SPATA13: variants seen among roughly 807,000 people sequenced by gnomAD.
SPATA13 encodes the protein spermatogenesis associated 13, also known as spermatogenesis-associated protein 13.
A neutral mutation model predicts 104.0 loss-of-function variants in SPATA13; 50 were observed. That is an observed-to-expected ratio of 0.48 (90% CI 0.38 to 0.61). The LOEUF is 0.61. Among genes scored for constraint, SPATA13 ranks in the 20% least tolerant of loss-of-function variants. SPATA13 has a pLI of 0.00. For synonymous variants in SPATA13, 606 were observed against 667.5 expected (o/e 0.91, Z 1.42); for missense variants, 1,524 against 1,690.6 (o/e 0.90, Z 1.73).
At position 24,223,043 on chromosome 13, in the gene SPATA13, C is replaced by T. The variant is rs777061144; in HGVS notation, c.114C>T (p.Asp38=). Residue 38 remains aspartate (D), a synonymous_variant, in exon 2 of 13, where the codon GAC becomes GAT. Coordinates refer to ENST00000382108, the MANE Select transcript of SPATA13 (RefSeq NM_001166271.3). The stretch of plus-strand genomic sequence containing the variant: ...CCTGTGCAGGCTCGGACCTGAAAGA[C>T]GCCAAGATGGTGACCTCCCTTGCGT... ...AAPCAGSDLK[D]AKMVTSLACG... 3.0e-5 allele frequency: 47 copies of T among 1,551,610 alleles called. No individual in the cohort carries two copies. The highest frequency in any genetic ancestry group is 7.3e-5 in the East Asian group (3 of 40,926).
intron 8 of SPATA13, 76 bp downstream of exon 8, chr13:24,289,254 G>C (rs774703257): frequency 1.6e-5 from 20 of 1,239,276 alleles, no homozygotes; most frequent in Non-Finnish European, 2.2e-5. Context: ...GAAAACAGGA[G>C]TCTCTTTTGT....
chr13:24,096,521 C>T (rs921301234), intron 3 of SPATA13, among the ~76,000 whole-genome samples: 1 of 152,076 alleles, frequency 6.6e-6, no homozygotes, highest in African/African-American at 2.4e-5. Flanking sequence ...ATCACTTGAA[C>T]CCAGAAGGCA....
rs374148418 is a variant in SPATA13, at chr13:24,111,193, G to C, written c.-112+93492G>C. On this transcript the variant is annotated intron_variant, in intron 3 of 14. Coordinates refer to the SPATA13 transcript ENST00000424834. ...CCAAAGAGGCCAGATACATGCATGA[G>C]CCACCACACACAGCCAACTCCCTCT... 2.6e-5 allele frequency among the ~76,000 whole-genome samples: 4 copies of C among 151,672 alleles called. No individual in the cohort carries two copies. In the South Asian group the frequency reaches 6.3e-4, roughly 24 times the overall value.
chr13:24,115,253 C>A (rs912321288), intron 3 of SPATA13, among the ~76,000 whole-genome samples: 1 of 152,244 alleles, frequency 6.6e-6, no homozygotes, highest in Non-Finnish European at 1.5e-5. Context: ...GTCATGGCAG[C>A]AGTGACTCTA....
intron 3 of SPATA13, among the ~76,000 whole-genome samples, chr13:24,066,317 C>A (rs1225357814): frequency 1.3e-5 from 2 of 152,150 alleles, no homozygotes; most frequent in East Asian, 3.8e-4. Context: ...TTTCACCTGA[C>A]CCTCATCACA....
At chr13:24,022,971 G>C (rs1399161811) in intron 3 of SPATA13, among the ~76,000 whole-genome samples, 1 of 151,882 alleles carries the variant, frequency 6.6e-6, no homozygotes, top group African/African-American at 2.4e-5. Flanking sequence ...TTAAGTTCTA[G>C]GGTACATGTG....
intron 1 of SPATA13, among the ~76,000 whole-genome samples, chr13:24,174,252 C>T (rs1170091434): frequency 1.3e-5 from 2 of 152,096 alleles, no homozygotes; most frequent in African/African-American, 4.8e-5. Flanking sequence ...TGTAGAGTTG[C>T]TCGTATTATC....
intron 2 of SPATA13, among the ~76,000 whole-genome samples, chr13:24,246,730 G>T (rs1484182067): frequency 6.6e-6 from 1 of 152,128 alleles, no homozygotes; most frequent in African/African-American, 2.4e-5. Flanking sequence ...GGGCGTGGTG[G>T]TAGGTGCCTG....
upstream of SPATA13, among the ~76,000 whole-genome samples, chr13:24,159,246 CTA>C (rs1882366086): frequency 6.6e-6 from 1 of 151,996 alleles, no homozygotes; most frequent in African/African-American, 2.4e-5. Context: ...GCCTCACATA[CTA>C]TGTTTCTAAA....
chr13:24,145,766 A>T lies in SPATA13; in HGVS notation c.-111-77053A>T, dbSNP rs189287518. 3.3e-5 allele frequency among the ~76,000 whole-genome samples: 5 copies of T among 152,316 alleles called. No individual in the cohort carries two copies. The East Asian group carries it at 7.7e-4, about 23-fold the overall frequency. On this transcript the variant is annotated intron_variant, in intron 3 of 14. Transcript: ENST00000424834. The stretch of plus-strand genomic sequence containing the variant: ...AGAACGGCTAATTTTCAAATTGGTG[A>T]TGCTGCTAGGAGGGCGTGAAGGAGA...
At chr13:24,016,746 C>T (rs1876731042) in intron 2 of SPATA13, among the ~76,000 whole-genome samples, 1 of 152,250 alleles carries the variant, frequency 6.6e-6, no homozygotes, top group Admixed American at 6.5e-5. Flanking sequence ...CCCTGGAAGG[C>T]ACTCTGGGAC....
intron 1 of SPATA13, among the ~76,000 whole-genome samples, chr13:24,188,778 AGAG>A (rs112318810): frequency 0.052 from 7,899 of 152,254 alleles, 643 homozygotes; most frequent in African/African-American, 0.18. Context: ...TTCTAGCTAG[AGAG>A]GAGAAGTCAG....
chr13:24,160,509 G>T (rs1882422988), upstream of SPATA13, among the ~76,000 whole-genome samples: 1 of 152,190 alleles, frequency 6.6e-6, no homozygotes, highest in Admixed American at 6.5e-5. Flanking sequence ...CTCCAAAAGT[G>T]CTAGGATTAC....
intron 4 of SPATA13, among the ~76,000 whole-genome samples, chr13:24,267,453 G>A (rs1374161339): frequency 1.3e-5 from 2 of 152,170 alleles, no homozygotes; most frequent in Non-Finnish European, 2.9e-5. Flanking sequence ...TTAGTCTAGT[G>A]CCCTGACCCC....
intron 1 of SPATA13, among the ~76,000 whole-genome samples, chr13:24,175,231 G>GTT (rs56884585): frequency 1.4e-3 from 214 of 151,548 alleles, no homozygotes; most frequent in African/African-American, 4.4e-3. Flanking sequence ...TTGTTTTTTT[G>GTT]TTTTTTTTAA....
intron 3 of SPATA13, among the ~76,000 whole-genome samples, chr13:24,074,774 C>T (rs1879274859): frequency 6.6e-6 from 1 of 152,214 alleles, no homozygotes; most frequent in South Asian, 2.1e-4. Flanking sequence ...TTGGGCAGCA[C>T]AACCTCCTGT....
chr13:24,206,744 T>C (rs1227257669), intron 1 of SPATA13, among the ~76,000 whole-genome samples: 1 of 151,936 alleles, frequency 6.6e-6, no homozygotes, highest in Non-Finnish European at 1.5e-5. Context: ...ATACAAAAAT[T>C]AGCCAGACGT....
At chr13:24,013,659 C>T (rs1418665792) in intron 2 of SPATA13, among the ~76,000 whole-genome samples, 1 of 151,430 alleles carries the variant, frequency 6.6e-6, no homozygotes, top group Non-Finnish European at 1.5e-5. Flanking sequence ...GCTTTCATTC[C>T]TTACCACCCA....
chr13:24,055,628 G>A (rs1009746681), intron 3 of SPATA13, among the ~76,000 whole-genome samples: 2 of 152,346 alleles, frequency 1.3e-5, no homozygotes, highest in South Asian at 4.1e-4. Context: ...AGAAGTATTC[G>A]AGAACAAGGG....
Sources: gnomAD v4.1 joint callset for allele counts (sites outside exome capture counted in the v4.1 genomes callset) on GRCh38, gnomAD v4.1.1 for gene constraint, MANE v1.5 for transcripts, NCBI Gene and HGNC (gene_info 2026-07-23, HGNC 2026-07-21) for gene names.